The following ZNF536 variants were observed in gnomAD, a reference collection of about 807,000 sequenced individuals.
The protein encoded by ZNF536 is zinc finger protein 536.
A neutral mutation model predicts 84.5 loss-of-function variants in ZNF536; 13 were observed. That is an observed-to-expected ratio of 0.15 (90% CI 0.10 to 0.24). The LOEUF is 0.24. Among genes scored for constraint, ZNF536 ranks in the 10% least tolerant of loss-of-function variants. ZNF536 has a pLI of 1.00. For synonymous variants in ZNF536, 811 were observed against 742.5 expected, an observed-to-expected ratio of 1.09 and a Z score of -1.50; for missense variants, 1,536 against 1,747.5, an observed-to-expected ratio of 0.88 and a Z score of 2.16.
At chr19:30,682,004 G>A (rs922713725) in intron 1 of ZNF536, among the ~76,000 whole-genome samples, 16 of 152,054 alleles carry the variant, frequency 1.1e-4, no homozygotes, top group Admixed American at 8.5e-4. Context: ...AAATGGGAAG[G>A]AAAAAAGGGA....
intron 1 of ZNF536, among the ~76,000 whole-genome samples, chr19:30,659,717 C>T (rs1205882273): frequency 6.6e-6 from 1 of 151,996 alleles, no homozygotes; most frequent in Non-Finnish European, 1.5e-5. Flanking sequence ...ATGGGGGAAA[C>T]AGCCCCCATG....
At chr19:30,522,372 A>AT (rs1428888406) in intron 2 of ZNF536, among the ~76,000 whole-genome samples, 1 of 148,584 alleles carries the variant, frequency 6.7e-6, no homozygotes, top group African/African-American at 2.5e-5. Flanking sequence ...ATTCAAAAAA[A>AT]TTTTTTAAGC....
chr19:30,711,228 A>G (rs1253049187), exon 2 of ZNF536: 1 of 152,120 alleles, frequency 6.6e-6, no homozygotes, highest in African/African-American at 2.4e-5. Context: ...AAGTACTTCC[A>G]AAACAATGCA....
At chr19:30,338,967 G>A (rs1418951860) in intron 2 of ZNF536, among the ~76,000 whole-genome samples, 7 of 152,136 alleles carry the variant, frequency 4.6e-5, no homozygotes, top group Admixed American at 4.6e-4. Flanking sequence ...GCACCTGCCA[G>A]CCCAGGTTGC....
At chr19:30,451,338 T>G (rs2052598438) in intron 2 of ZNF536, among the ~76,000 whole-genome samples, 1 of 152,264 alleles carries the variant, frequency 6.6e-6, no homozygotes, top group African/African-American at 2.4e-5. Context: ...CGGAGCCGGA[T>G]GCCTACCAGC....
At chr19:30,656,204 A>T (rs2049906829) in intron 1 of ZNF536, among the ~76,000 whole-genome samples, 1 of 152,192 alleles carries the variant, frequency 6.6e-6, no homozygotes, top group Admixed American at 6.5e-5. Flanking sequence ...ACTCAAAGGA[A>T]CAATTGCCTG....
At chr19:30,609,760 A>G (rs1268378203) in intron 1 of ZNF536, among the ~76,000 whole-genome samples, 1 of 134,664 alleles carries the variant, frequency 7.4e-6, no homozygotes, top group Non-Finnish European at 1.6e-5. Context: ...CCACCTATCC[A>G]TCCACCCATC....
Position 30,606,409 on chromosome 19 carries a change from C to T in ZNF536, c.169+56895C>T, listed in dbSNP as rs146770705. Among the ~76,000 whole-genome samples the T allele has an allele frequency of 9.9e-5, 15 of 152,198 alleles. No individual in the cohort carries two copies. In the East Asian group the frequency reaches 1.4e-3, roughly 14 times the overall value. ...AGATGCTACATGCTTTCAGCTGTCACGGGCAACCCATAACCTCTGGTCTTC... is the reference window on the plus strand; with the variant it reads ...AGATGCTACATGCTTTCAGCTGTCATGGGCAACCCATAACCTCTGGTCTTC... On this transcript the variant is annotated intron_variant, in intron 1 of 1. Transcript: ENST00000592773.
chr19:30,704,384 C>T lies in ZNF536; in HGVS notation c.170-6373C>T, dbSNP rs148424673. Among the ~76,000 whole-genome samples the T allele has an allele frequency of 2.0e-3, 312 of 152,216 alleles. 2 individuals are homozygous for T. The highest frequency in any genetic ancestry group is 7.1e-3 in the African/African-American group (293 of 41,548). Reference sequence around the variant, plus strand: ...TAGATGGGCTGGGCACAGTGGTTCACGCCAGTAATCCCAGCACTTTGGGAG... The same window carrying T: ...TAGATGGGCTGGGCACAGTGGTTCATGCCAGTAATCCCAGCACTTTGGGAG... On this transcript the variant is annotated intron_variant, in intron 1 of 1. Coordinates refer to the ZNF536 transcript ENST00000592773.
chr19:30,672,918 G>A (rs886339836), intron 1 of ZNF536, among the ~76,000 whole-genome samples: 2 of 152,160 alleles, frequency 1.3e-5, no homozygotes, highest in Non-Finnish European at 2.9e-5. Flanking sequence ...AGAAAGCTGC[G>A]GTGTTTATAA....
chr19:30,242,801 C>T (rs556321915), intron 1 of ZNF536, among the ~76,000 whole-genome samples: 1 of 152,256 alleles, frequency 6.6e-6, no homozygotes, highest in African/African-American at 2.4e-5. Context: ...CCTTCCGATT[C>T]GTTACTTAAA....
At position 30,544,312 on chromosome 19, in the gene ZNF536, C is replaced by T. The variant is rs146307203; in HGVS notation, c.2324-3631C>T. On this transcript the variant is annotated intron_variant, in intron 3 of 4. Transcript: ENST00000355537. ...AGCATGGGTGGAGAACTTTCTAGAA[C>T]CTTGCATAGCACGTGCATTCAGAAA... Among the ~76,000 whole-genome samples, 379 of 152,280 alleles carry T rather than the reference C, an allele frequency of 2.5e-3. 6 individuals are homozygous for T. Among genetic ancestry groups the T allele is most frequent in the African/African-American group, 8.5e-3 (354 of 41,560 alleles).
chr19:30,433,561 G>T (rs978648574), intron 1 of ZNF536, among the ~76,000 whole-genome samples: 2 of 152,126 alleles, frequency 1.3e-5, no homozygotes, highest in Non-Finnish European at 2.9e-5. Flanking sequence ...GCAATGGCGC[G>T]ATCTCGGTTC....
At chr19:30,249,423 T>C (rs1035554437) in intron 1 of ZNF536, among the ~76,000 whole-genome samples, 1 of 151,648 alleles carries the variant, frequency 6.6e-6, no homozygotes, top group East Asian at 1.9e-4. Flanking sequence ...GTGGCATGAG[T>C]TCTATAGGTA....
At chr19:30,538,816 C>T (rs895186072) in intron 3 of ZNF536, among the ~76,000 whole-genome samples, 1 of 152,158 alleles carries the variant, frequency 6.6e-6, no homozygotes, top group Non-Finnish European at 1.5e-5. Context: ...TTTTATTCTA[C>T]AGCACAGTGT....
chr19:30,469,488 T>C (rs1331696757), intron 2 of ZNF536, among the ~76,000 whole-genome samples: 1 of 152,046 alleles, frequency 6.6e-6, no homozygotes, highest in Non-Finnish European at 1.5e-5. Flanking sequence ...TGCTTGCCCA[T>C]TAGTTACCAG....
intron 2 of ZNF536, among the ~76,000 whole-genome samples, chr19:30,331,915 C>T (rs1446821916): frequency 6.6e-6 from 1 of 152,144 alleles, no homozygotes; most frequent in African/African-American, 2.4e-5. Flanking sequence ...CTTCCTTGCA[C>T]CCATTATCAG....
rs2047640691 is a variant in ZNF536 at position 30,600,318 on chromosome 19, T to C, written c.169+50804T>C. On this transcript the variant is annotated intron_variant, in intron 1 of 1. Coordinates refer to the ZNF536 transcript ENST00000592773. ...ATGTTGGCCAGGCTGGTCTTGGAAC[T>C]TCTGACCTCAAGCAATCCATGCACC... is the stretch of plus-strand genomic sequence containing the variant. Among the ~76,000 whole-genome samples the C allele has an allele frequency of 3.9e-5, 6 of 152,154 alleles. No individual in the cohort carries two copies. In the South Asian group the frequency reaches 1.2e-3, roughly 32 times the overall value.
intron 2 of ZNF536, among the ~76,000 whole-genome samples, chr19:30,525,999 C>T (rs1260392874): frequency 1.3e-5 from 2 of 152,198 alleles, no homozygotes; most frequent in Non-Finnish European, 2.9e-5. Flanking sequence ...GAGATGGCAG[C>T]GGCCTGGGCT....
Sources: allele counts gnomAD v4.1 joint callset (sites outside exome capture counted in the v4.1 genomes callset), GRCh38; gene constraint gnomAD v4.1.1; transcripts MANE v1.5; gene names NCBI Gene and HGNC (gene_info 2026-07-23, HGNC 2026-07-21).